Variants in MDGA2 observed in about 807,000 individuals in gnomAD.
MDGA2 encodes the protein MAM domain-containing glycosylphosphatidylinositol anchor protein 2.
A neutral mutation model predicts 117.8 loss-of-function variants in MDGA2; 40 were observed. The observed-to-expected ratio is 0.34, with a 90% CI of 0.26 to 0.44. The LOEUF (loss-of-function observed/expected upper bound fraction) is 0.44. MDGA2 is among the 20% of genes least tolerant of loss of function. The pLI is 1.00. For missense variants in MDGA2, 1,123 were observed against 1,250.6 expected (o/e 0.90, Z 1.54); for synonymous variants, 452 against 439.0 (o/e 1.03, Z -0.37).
intron 1 of MDGA2, among the ~76,000 whole-genome samples, chr14:47,441,571 A>G (rs1893012037): frequency 6.6e-6 from 1 of 152,196 alleles, no homozygotes; most frequent in African/African-American, 2.4e-5. Context: ...TTCTCAACAA[A>G]CTTACATTAA....
At chr14:46,925,365 C>T (rs970683822) in intron 9 of MDGA2, among the ~76,000 whole-genome samples, 3 of 152,080 alleles carry the variant, frequency 2.0e-5, no homozygotes, top group African/African-American at 4.8e-5. Flanking sequence ...GGCACAGAGG[C>T]TCACGCCTGT....
intron 1 of MDGA2, among the ~76,000 whole-genome samples, chr14:47,395,383 A>G (rs1218822709): frequency 6.6e-6 from 1 of 152,198 alleles, no homozygotes; most frequent in South Asian, 2.1e-4. Context: ...TGTTCTTCTC[A>G]GAATAAAAAA....
At chr14:47,253,308 AG>A (rs1414697350) in intron 2 of MDGA2, among the ~76,000 whole-genome samples, 3 of 152,198 alleles carry the variant, frequency 2.0e-5, no homozygotes, top group Non-Finnish European at 4.4e-5. Flanking sequence ...ATCTGAGACA[AG>A]GCAAGTCCCT....
intron 1 of MDGA2, among the ~76,000 whole-genome samples, chr14:47,670,425 ACTT>A (rs774912850): frequency 9.9e-5 from 15 of 152,176 alleles, no homozygotes; most frequent in East Asian, 5.8e-4. Context: ...TCAATAGAGT[ACTT>A]CTTCTTTTTT....
chr14:46,935,861 G>A (rs8019321), intron 9 of MDGA2, among the ~76,000 whole-genome samples: 10,373 of 152,040 alleles, frequency 0.068, 584 homozygotes, highest in African/African-American at 0.14. Flanking sequence ...GAGAAGTTGC[G>A]ACACTTCCAT....
In MDGA2 at chr14:46,995,411, G is replaced by A. The variant is rs147065102; in HGVS notation, c.1820-37768C>T. 2.0e-3 allele frequency among the ~76,000 whole-genome samples: 300 copies of A among 152,188 alleles called. 2 individuals carry two copies. The highest frequency in any genetic ancestry group is 3.5e-3 in the South Asian group (17 of 4,826). On this transcript the variant is annotated intron_variant, in intron 8 of 16. Transcript: ENST00000399232. The stretch of plus-strand genomic sequence containing the variant: ...AATATAAATTAAAGGTTGAAAGACT[G>A]GACCTAGCACACTGCTTTGTGTTAA...
chr14:47,604,819 T>TGCCTGCTCTCAGGAA (rs1390560173), intron 1 of MDGA2, among the ~76,000 whole-genome samples: 2 of 152,166 alleles, frequency 1.3e-5, no homozygotes, highest in Admixed American at 1.3e-4. Flanking sequence ...ACTTTGAGAT[T>TGCCTGCTCTCAGGAA]GCCTGCTCTC....
chr14:47,540,203 C>T lies in MDGA2; in HGVS notation c.280+134314G>A, dbSNP rs576139932. On this transcript the variant is annotated intron_variant, in intron 1 of 16. Transcript: ENST00000399232. ...TAATTTTTTGTATTTTTGGTAGAGACGGGGTTTCACCGTGTTAGCCAGGAT... is the reference window on the plus strand; with the variant it reads ...TAATTTTTTGTATTTTTGGTAGAGATGGGGTTTCACCGTGTTAGCCAGGAT... Among the ~76,000 whole-genome samples, 802 of 151,948 alleles carry T rather than the reference C, an allele frequency of 5.3e-3. 8 individuals are homozygous for T. Among genetic ancestry groups the T allele is most frequent in the African/African-American group, 0.018 (763 of 41,462 alleles).
At chr14:47,106,397 G>T (rs4438217) in intron 5 of MDGA2, among the ~76,000 whole-genome samples, 13 of 151,102 alleles carry the variant, frequency 8.6e-5, no homozygotes, top group East Asian at 2.0e-4. Flanking sequence ...AACTTCCAAA[G>T]GCCTGAACCG....
At chr14:47,356,476 TGG>T (rs934485580) in intron 1 of MDGA2, among the ~76,000 whole-genome samples, 11 of 152,170 alleles carry the variant, frequency 7.2e-5, no homozygotes, top group Non-Finnish European at 1.5e-4. Flanking sequence ...ATGTTATAGC[TGG>T]TAGAGATAAT....
chr14:47,533,619 CA>C (rs1270858582), intron 1 of MDGA2, among the ~76,000 whole-genome samples: 1 of 152,186 alleles, frequency 6.6e-6, no homozygotes, highest in Non-Finnish European at 1.5e-5. Context: ...TTGAAATCAG[CA>C]TATGCTATCA....
intron 5 of MDGA2, among the ~76,000 whole-genome samples, chr14:47,121,839 A>T (rs535951113): frequency 6.6e-6 from 1 of 152,266 alleles, no homozygotes; most frequent in Admixed American, 6.5e-5. Context: ...AAATATTGAT[A>T]GCACAAATAT....
chr14:47,043,297 C>A (rs1438052753), intron 7 of MDGA2, among the ~76,000 whole-genome samples: 2 of 151,946 alleles, frequency 1.3e-5, no homozygotes, highest in Non-Finnish European at 2.9e-5. Context: ...CAGCTCATTT[C>A]TTATTAAAGG....
chr14:47,356,132 C>T (rs933247172), intron 1 of MDGA2, among the ~76,000 whole-genome samples: 2 of 152,176 alleles, frequency 1.3e-5, no homozygotes, highest in Non-Finnish European at 2.9e-5. Context: ...GGATTCATCA[C>T]TCACGAGAGA....
chr14:46,919,900 A>T (rs1884058474), intron 10 of MDGA2, 112 bp downstream of exon 10: 1 of 902,432 alleles, frequency 1.1e-6, no homozygotes, highest in African/African-American at 1.7e-5. Context: ...ATACAGAAAC[A>T]CATATACATA....
At chr14:47,603,054 C>T (rs978303415) in intron 1 of MDGA2, among the ~76,000 whole-genome samples, 1 of 152,140 alleles carries the variant, frequency 6.6e-6, no homozygotes, top group African/African-American at 2.4e-5. Flanking sequence ...CTTCTTCTTA[C>T]AAGTTCATCT....
intron 1 of MDGA2, among the ~76,000 whole-genome samples, chr14:47,620,561 T>C (rs1278704178): frequency 6.6e-6 from 1 of 152,222 alleles, no homozygotes; most frequent in Non-Finnish European, 1.5e-5. Context: ...GATAACCTAA[T>C]TGTTTCCCTA....
intron 1 of MDGA2, among the ~76,000 whole-genome samples, chr14:47,518,626 T>C (rs1202336084): frequency 6.6e-6 from 1 of 152,196 alleles, no homozygotes; most frequent in Non-Finnish European, 1.5e-5. Flanking sequence ...TTATCTAATA[T>C]TCTATAACAT....
chr14:47,064,222 G>A (rs1376550485), intron 6 of MDGA2, among the ~76,000 whole-genome samples: 2 of 151,884 alleles, frequency 1.3e-5, no homozygotes, highest in East Asian at 1.9e-4. Context: ...AAACATTGGT[G>A]AATCTTAGTT....
Sources: allele counts gnomAD v4.1 joint callset (sites outside exome capture counted in the v4.1 genomes callset), GRCh38; gene constraint gnomAD v4.1.1; transcripts MANE v1.5; gene names NCBI Gene and HGNC (gene_info 2026-07-23, HGNC 2026-07-21).